Variants in LIN28B observed in about 807,000 individuals in gnomAD.
LIN28B encodes the protein lin-28 RNA binding posttranscriptional regulator B.
LIN28B carries 5 observed loss-of-function variants against 21.9 expected under a neutral mutation model. The ratio of observed to expected loss-of-function variants is 0.23; its 90% CI spans 0.12 to 0.48. LIN28B has a LOEUF of 0.48. Among genes scored for constraint, LIN28B ranks in the 20% least tolerant of loss-of-function variants. The pLI, the probability that LIN28B is intolerant of heterozygous loss-of-function variation, is 0.98. For missense variants in LIN28B, 245 were observed against 310.5 expected, an observed-to-expected ratio of 0.79 and a Z score of 1.58; for synonymous variants, 109 against 111.3, an observed-to-expected ratio of 0.98 and a Z score of 0.13.
intron 2 of LIN28B, among the ~76,000 whole-genome samples, chr6:104,977,930 T>C (rs1463925789): frequency 6.6e-6 from 1 of 152,180 alleles, no homozygotes; most frequent in East Asian, 1.9e-4. Flanking sequence ...AAAAGCATAA[T>C]ACATTAGGAA....
chr6:105,054,962 A>G (rs370448176), intron 3 of LIN28B, among the ~76,000 whole-genome samples: 3 of 152,098 alleles, frequency 2.0e-5, no homozygotes, highest in Non-Finnish European at 4.4e-5. Context: ...TTCTCAATTG[A>G]AAGGGTTTTT....
chr6:104,996,720 G>C (rs912660961), intron 2 of LIN28B, among the ~76,000 whole-genome samples: 1 of 152,096 alleles, frequency 6.6e-6, no homozygotes, highest in Non-Finnish European at 1.5e-5. Context: ...ACCAGGTTGT[G>C]GTATGATGAA....
intron 3 of LIN28B, among the ~76,000 whole-genome samples, chr6:105,029,121 G>C (rs971391181): frequency 1.3e-5 from 2 of 152,198 alleles, no homozygotes; most frequent in African/African-American, 2.4e-5. Context: ...GTGGACTGGT[G>C]GGGGTGAAAG....
At chr6:105,072,349 A>T (rs1374623011) in intron 3 of LIN28B, among the ~76,000 whole-genome samples, 1 of 152,214 alleles carries the variant, frequency 6.6e-6, no homozygotes, top group African/African-American at 2.4e-5. Flanking sequence ...AAAAACCTTT[A>T]GCACAGTGTC....
intron 2 of LIN28B, among the ~76,000 whole-genome samples, chr6:104,967,355 G>A (rs2114584095): frequency 2.6e-5 from 4 of 151,642 alleles, no homozygotes; most frequent in Admixed American, 2.6e-4. Flanking sequence ...TGAGGGGGGT[G>A]GATCACTTGA....
chr6:104,980,642 GA>G (rs1770200233), intron 2 of LIN28B, among the ~76,000 whole-genome samples: 1 of 152,130 alleles, frequency 6.6e-6, no homozygotes, highest in South Asian at 2.1e-4. Context: ...AATATGAAAG[GA>G]AACAGCCTTT....
intron 3 of LIN28B, 119 bp downstream of exon 3, chr6:105,026,601 A>C (rs1246577007): frequency 1.6e-6 from 1 of 619,478 alleles, no homozygotes; most frequent in Non-Finnish European, 2.8e-6. Context: ...ATCATGTAGA[A>C]TATATTAAAT....
intron 3 of LIN28B, among the ~76,000 whole-genome samples, chr6:105,056,680 G>A (rs148846762): frequency 6.1e-4 from 93 of 152,226 alleles, no homozygotes; most frequent in African/African-American, 2.2e-3. Flanking sequence ...ATGCAACCTG[G>A]CCCTTAATTA....
chr6:105,079,563 C>G lies in LIN28B; in HGVS notation c.*780C>G, dbSNP rs1170826303. ...CTGTGTTTAATTGTAAAATTAGATG[C>G]CTATTAAGAGAAATGAAGGGGAGGA... On this transcript the variant is annotated 3_prime_UTR_variant, in exon 4 of 4. Transcript: ENST00000345080. 6.6e-6 allele frequency: 1 copy of G among 152,470 alleles called. No individual in the cohort carries two copies. Among genetic ancestry groups the G allele is most frequent in the Non-Finnish European group, 1.5e-5 (1 of 68,026 alleles). The allele number at this position is 152,470 out of a possible 1,614,324, so 9.4% of individuals were successfully genotyped here.
rs1479306113 is a variant in LIN28B, at chr6:105,079,329, G to A, written c.*546G>A. On this transcript the variant is annotated 3_prime_UTR_variant, in exon 4 of 4. Coordinates refer to ENST00000345080, the MANE Select transcript of LIN28B (RefSeq NM_001004317.4). ...GAGCTGCCAATTATGGGGTACTAAA[G>A]GTTTTTAAGACATCCAGTTCTCCCG... 1 of 152,538 alleles carries A rather than the reference G, an allele frequency of 6.6e-6. No homozygotes were observed. The highest frequency in any genetic ancestry group is 2.4e-5 in the African/African-American group (1 of 41,418). The allele number at this position is 152,538 out of a possible 1,614,324, so 9.4% of individuals were successfully genotyped here.
At chr6:105,047,324 T>C (rs1212666366) in intron 3 of LIN28B, among the ~76,000 whole-genome samples, 1 of 152,132 alleles carries the variant, frequency 6.6e-6, no homozygotes, top group Non-Finnish European at 1.5e-5. Flanking sequence ...GATCAGATGG[T>C]TGTAGATGTG....
intron 2 of LIN28B, among the ~76,000 whole-genome samples, chr6:105,014,895 AT>A (rs565708782): frequency 1.7e-4 from 26 of 149,142 alleles, no homozygotes; most frequent in Admixed American, 2.7e-4. Context: ...ATTTCCCGTG[AT>A]TTTTTTTTTG....
intron 3 of LIN28B, among the ~76,000 whole-genome samples, chr6:105,034,125 A>G (rs1330248213): frequency 6.6e-6 from 1 of 151,906 alleles, no homozygotes; most frequent in Non-Finnish European, 1.5e-5. Context: ...GGTTGTATAC[A>G]TATAGCTTTG....
intron 3 of LIN28B, among the ~76,000 whole-genome samples, chr6:105,053,485 CTTCT>C (rs1445916478): frequency 6.6e-6 from 1 of 150,706 alleles, no homozygotes; most frequent in Non-Finnish European, 1.5e-5. Context: ...TTCTCTATTT[CTTCT>C]TTGAGTGCTA....
chr6:104,975,495 A>G (rs1171860280), intron 2 of LIN28B, among the ~76,000 whole-genome samples: 1 of 152,304 alleles, frequency 6.6e-6, no homozygotes, highest in East Asian at 1.9e-4. Context: ...CCACTGGTTT[A>G]ACTTCTCTCT....
chr6:104,983,849 T>TA (rs747329957), intron 2 of LIN28B, among the ~76,000 whole-genome samples: 12 of 152,340 alleles, frequency 7.9e-5, no homozygotes, highest in Admixed American at 3.9e-4. Flanking sequence ...GTGCTGGAAT[T>TA]ACAGGTGTGA....
At chr6:104,950,335 A>AG (rs1562560093) in intron 2 of LIN28B, 1 of 457,964 alleles carries the variant, frequency 2.2e-6, no homozygotes, top group East Asian at 3.6e-5. Context: ...TGTAAAAAAA[A>AG]GTTTACAGGT....
At chr6:105,057,931 T>C in intron 3 of LIN28B, 1 of 237,286 alleles carries the variant, frequency 4.2e-6, no homozygotes, top group Non-Finnish European at 8.3e-6. Context: ...ATAGTCTGAA[T>C]CTGAGCAATT....
intron 2 of LIN28B, among the ~76,000 whole-genome samples, chr6:104,999,097 A>C (rs972114380): frequency 1.2e-4 from 18 of 152,218 alleles, no homozygotes; most frequent in African/African-American, 4.1e-4. Flanking sequence ...TATAGAAATT[A>C]AAGAACTGAA....
Sources: gnomAD v4.1 joint callset for allele counts (sites outside exome capture counted in the v4.1 genomes callset) on GRCh38, gnomAD v4.1.1 for gene constraint, MANE v1.5 for transcripts, NCBI Gene and HGNC (gene_info 2026-07-23, HGNC 2026-07-21) for gene names.